The following KIAA1217 variants were observed in gnomAD, a reference collection of about 807,000 sequenced individuals.
KIAA1217 encodes the protein sickle tail protein homolog.
Under a neutral mutation model 163.9 loss-of-function variants are expected in KIAA1217, and 88 were observed. The ratio of observed to expected loss-of-function variants is 0.54; its 90% CI spans 0.45 to 0.64. The LOEUF (loss-of-function observed/expected upper bound fraction) is 0.64. Among genes scored for constraint, KIAA1217 ranks in the 30% least tolerant of loss-of-function variants. The probability of loss-of-function intolerance (pLI) is 0.00; values close to 1 mark genes in which losing one functional copy is unlikely to be tolerated. For synonymous variants in KIAA1217, 903 were observed against 923.1 expected, an observed-to-expected ratio of 0.98 and a Z score of 0.39; for missense variants, 2,372 against 2,475.0, an observed-to-expected ratio of 0.96 and a Z score of 0.88.
intron 1 of KIAA1217, among the ~76,000 whole-genome samples, chr10:23,933,976 A>G (rs1484240265): frequency 6.6e-6 from 1 of 152,170 alleles, no homozygotes; most frequent in Admixed American, 6.5e-5. Context: ...TGAAGACAGT[A>G]TAGTGATTCT....
intron 2 of KIAA1217, among the ~76,000 whole-genome samples, chr10:24,121,315 C>G (rs985510686): frequency 2.6e-5 from 4 of 152,178 alleles, no homozygotes; most frequent in Admixed American, 1.3e-4. Flanking sequence ...AGTTGTCTCT[C>G]CTCTGTGTTA....
intron 2 of KIAA1217, among the ~76,000 whole-genome samples, chr10:24,020,457 C>T (rs931802976): frequency 6.6e-6 from 1 of 152,016 alleles, no homozygotes; most frequent in African/African-American, 2.4e-5. Context: ...AGTGGACAAG[C>T]AAGAAACTTA....
In KIAA1217 at chr10:24,451,386, T is replaced by C. The variant is rs145854801; in HGVS notation, c.846+12907T>C. Among the ~76,000 whole-genome samples, 729 of 152,346 alleles carry C rather than the reference T, an allele frequency of 4.8e-3. 6 individuals are homozygous for C. The highest frequency in any genetic ancestry group is 0.016 in the African/African-American group (672 of 41,578). On this transcript the variant is annotated intron_variant, in intron 5 of 20. Transcript: ENST00000376454. The stretch of plus-strand genomic sequence containing the variant: ...TGGAGGGTTCTGAAGTTAGGGCAGC[T>C]GGCTCAGCTGCCTGAGAGCCCGAAC...
intron 1 of KIAA1217, among the ~76,000 whole-genome samples, chr10:23,944,455 T>C (rs1019567607): frequency 6.6e-6 from 1 of 151,290 alleles, no homozygotes; most frequent in African/African-American, 2.4e-5. Context: ...TATCAGAATA[T>C]GTAATAAGCT....
At chr10:24,408,644 C>T (rs942768421) in intron 3 of KIAA1217, among the ~76,000 whole-genome samples, 2 of 152,228 alleles carry the variant, frequency 1.3e-5, no homozygotes, top group African/African-American at 4.8e-5. Context: ...TTATTGGCAA[C>T]AACCTCAAGG....
chr10:24,351,755 G>A lies in KIAA1217; in HGVS notation c.355-29114G>A, dbSNP rs184925691. Among the ~76,000 whole-genome samples, 8 of 152,236 alleles carry A rather than the reference G, an allele frequency of 5.3e-5. No homozygotes were observed. The East Asian group carries it at 9.7e-4, about 18-fold the overall frequency. On this transcript the variant is annotated intron_variant, in intron 2 of 20. Transcript: ENST00000376454. ...GATGGGGCTGCTGTTGGATCTCTCC[G>A]AGCCATGTTTGAACTTTTAATAATG...
intron 3 of KIAA1217, among the ~76,000 whole-genome samples, chr10:24,382,352 G>A (rs929660329): frequency 6.6e-6 from 1 of 151,820 alleles, no homozygotes; most frequent in African/African-American, 2.4e-5. Flanking sequence ...TGTGAGAGAA[G>A]GTACCCTGAT....
chr10:23,866,808 G>A (rs1409865375), intron 1 of KIAA1217, among the ~76,000 whole-genome samples: 1 of 151,764 alleles, frequency 6.6e-6, no homozygotes, highest in Non-Finnish European at 1.5e-5. Context: ...TCTTCTCTTT[G>A]GTGCGATCTC....
chr10:24,143,338 C>T (rs945823762), intron 2 of KIAA1217, among the ~76,000 whole-genome samples: 1 of 152,198 alleles, frequency 6.6e-6, no homozygotes, highest in South Asian at 2.1e-4. Context: ...ACGATCTCAA[C>T]TCACTGTAAC....
chr10:23,998,679 C>A (rs1846610228), intron 1 of KIAA1217, among the ~76,000 whole-genome samples: 1 of 152,186 alleles, frequency 6.6e-6, no homozygotes, highest in South Asian at 2.1e-4. Context: ...TTCTGAACAA[C>A]AGGGGAGAAT....
In KIAA1217 at chr10:24,106,826, A is replaced by G. The variant is rs184449611; in HGVS notation, c.-171+99452A>G. ...TTGGAAAATCCCCACCAGTTATTTC[A>G]TCACCAATTCTTTTTTGTTGTTGTG... On this transcript the variant is annotated intron_variant, in intron 2 of 18. Coordinates refer to the KIAA1217 transcript ENST00000376462. Among the ~76,000 whole-genome samples the G allele has an allele frequency of 1.6e-3, 249 of 152,228 alleles. 1 individual carries two copies. Among genetic ancestry groups the G allele is most frequent in the African/African-American group, 5.7e-3 (238 of 41,510 alleles).
chr10:23,748,528 A>AGAGGG (rs148781004), intron 1 of KIAA1217, among the ~76,000 whole-genome samples: 28,565 of 109,392 alleles, frequency 0.26, 4,330 homozygotes, highest in African/African-American at 0.4. Flanking sequence ...GAAAGGAAGG[A>AGAGGG]GAGGGGAGGG....
At chr10:23,716,579 C>T (rs988997235) in intron 1 of KIAA1217, among the ~76,000 whole-genome samples, 8 of 152,104 alleles carry the variant, frequency 5.3e-5, no homozygotes, top group African/African-American at 1.9e-4. Context: ...ATCATATTTA[C>T]AACCAACTTC....
At chr10:24,166,825 T>A (rs190943607) in intron 2 of KIAA1217, among the ~76,000 whole-genome samples, 1 of 152,286 alleles carries the variant, frequency 6.6e-6, no homozygotes, top group East Asian at 1.9e-4. Flanking sequence ...ACATCCCAAT[T>A]ACCCTGATTT....
chr10:24,314,395 A>G (rs2043092786), intron 2 of KIAA1217, among the ~76,000 whole-genome samples: 1 of 152,208 alleles, frequency 6.6e-6, no homozygotes, highest in Non-Finnish European at 1.5e-5. Context: ...AGCTCAGCAC[A>G]GTTGTGTCAT....
intron 2 of KIAA1217, among the ~76,000 whole-genome samples, chr10:24,088,526 A>G (rs2061802337): frequency 1.9e-5 from 2 of 105,322 alleles, no homozygotes; most frequent in African/African-American, 5.8e-5. Flanking sequence ...ATTCCCACCT[A>G]TGACTGAGAA....
rs567287410 is a variant in KIAA1217 at position 24,118,866 on chromosome 10, T to C, written c.-170-100760T>C. On this transcript the variant is annotated intron_variant, in intron 2 of 18. Transcript: ENST00000376462. ...GAGTAGAACTAGATCAGTCTTTCTT[T>C]TTGAGCAAAAAAGCCTAATTTGAAA... Among the ~76,000 whole-genome samples, 27 of 152,298 alleles carry C rather than the reference T, an allele frequency of 1.8e-4. No homozygotes were observed. The South Asian group carries it at 5.6e-3, about 32-fold the overall frequency.
chr10:24,531,546 A>G (rs1362689233), intron 14 of KIAA1217, among the ~76,000 whole-genome samples: 1 of 152,236 alleles, frequency 6.6e-6, no homozygotes, highest in Non-Finnish European at 1.5e-5. Flanking sequence ...TGCCAAGCTC[A>G]GCGTATAAGT....
At chr10:24,158,403 A>G (rs2064974502) in intron 2 of KIAA1217, 3 of 602,920 alleles carry the variant, frequency 5.0e-6, no homozygotes, top group Admixed American at 1.9e-5. Context: ...TATTATTACA[A>G]TTTGCACAGT....
Sources: allele counts gnomAD v4.1 joint callset (sites outside exome capture counted in the v4.1 genomes callset), GRCh38; gene constraint gnomAD v4.1.1; transcripts MANE v1.5; gene names NCBI Gene and HGNC (gene_info 2026-07-23, HGNC 2026-07-21).